Variants in PAX7 observed in about 807,000 individuals in gnomAD.
PAX7 encodes the protein paired box 7.
A neutral mutation model predicts 50.7 loss-of-function variants in PAX7; 18 were observed. The ratio of observed to expected loss-of-function variants is 0.36; its 90% CI spans 0.25 to 0.53. PAX7 has a LOEUF of 0.53. Ranked by LOEUF, PAX7 falls within the 20% of genes least tolerant of loss-of-function variation. The pLI, the probability that PAX7 is intolerant of heterozygous loss-of-function variation, is 0.93. For synonymous variants in PAX7, 310 were observed against 290.4 expected (o/e 1.07, Z -0.69); for missense variants, 644 against 702.9 (o/e 0.92, Z 0.95).
chr1:18,692,516 T>C (rs1366521317), intron 5 of PAX7, among the ~76,000 whole-genome samples: 2 of 136,184 alleles, frequency 1.5e-5, no homozygotes, highest in Non-Finnish European at 3.1e-5. Flanking sequence ...TACTCCAGCC[T>C]GGGTGACAGA....
At chr1:18,727,549 C>T (rs900620559) in intron 7 of PAX7, among the ~76,000 whole-genome samples, 1 of 152,166 alleles carries the variant, frequency 6.6e-6, no homozygotes, top group Non-Finnish European at 1.5e-5. Context: ...GTCACTCATC[C>T]CCCAGGTGAT....
chr1:18,690,203 G>A (rs901118283), intron 4 of PAX7, among the ~76,000 whole-genome samples: 1 of 152,180 alleles, frequency 6.6e-6, no homozygotes. Flanking sequence ...GAGTGAATGA[G>A]TCAATGACAA....
intron 5 of PAX7, among the ~76,000 whole-genome samples, chr1:18,695,487 T>A (rs1401974134): frequency 2.0e-5 from 3 of 152,116 alleles, no homozygotes; most frequent in Admixed American, 6.5e-5. Context: ...GGGGATCTGG[T>A]CACCAAAGAG....
At chr1:18,640,996 A>C (rs1408510292) in intron 4 of PAX7, among the ~76,000 whole-genome samples, 2 of 152,230 alleles carry the variant, frequency 1.3e-5, no homozygotes, top group African/African-American at 4.8e-5. Context: ...CCCCAACCGA[A>C]GAAGAGAGAG....
chr1:18,718,343 C>T (rs780471124), intron 7 of PAX7, among the ~76,000 whole-genome samples: 2 of 152,086 alleles, frequency 1.3e-5, no homozygotes, highest in South Asian at 2.1e-4. Context: ...CAGGGTGGGG[C>T]GATTGAGCTA....
Position 18,745,449 on chromosome 1 carries a change from C to T in PAX7, c.*520C>T. 4.3e-6 allele frequency: 1 copy of T among 233,700 alleles called. No individual in the cohort carries two copies. The highest frequency in any genetic ancestry group is 6.1e-5 in the East Asian group (1 of 16,332). The allele number at this position is 233,700 out of a possible 1,614,324, so 14.5% of individuals were successfully genotyped here. A position where few individuals can be genotyped will look rare whatever the true frequency, so the allele number is the denominator to read the frequency against. On this transcript the variant is annotated 3_prime_UTR_variant, in exon 9 of 9. Transcript: ENST00000420770. ...CCCTTTCCTCCTCTAGACATTGGGA[C>T]TCCAGCAAAGAGGGGACCCTGGCCC...
At chr1:18,711,852 G>C (rs1225775539) in intron 7 of PAX7, among the ~76,000 whole-genome samples, 1 of 152,136 alleles carries the variant, frequency 6.6e-6, no homozygotes, top group African/African-American at 2.4e-5. Context: ...GATCTTCTTG[G>C]ACCTGAAGCC....
intron 4 of PAX7, among the ~76,000 whole-genome samples, chr1:18,658,445 G>T (rs556557755): frequency 6.6e-6 from 1 of 152,328 alleles, no homozygotes; most frequent in South Asian, 2.1e-4. Context: ...CTGGACTAGG[G>T]ACCCAGGTGT....
intron 4 of PAX7, among the ~76,000 whole-genome samples, chr1:18,644,580 C>G (rs1008980722): frequency 5.9e-5 from 9 of 152,054 alleles, no homozygotes; most frequent in African/African-American, 2.2e-4. Context: ...ACACCCCATT[C>G]AGAACCTCAC....
At chr1:18,695,667 A>G (rs1177071001) in intron 5 of PAX7, among the ~76,000 whole-genome samples, 1 of 152,168 alleles carries the variant, frequency 6.6e-6, no homozygotes, top group Non-Finnish European at 1.5e-5. Flanking sequence ...AGGAGAACCC[A>G]TGCCTGGGGA....
intron 7 of PAX7, among the ~76,000 whole-genome samples, chr1:18,723,802 A>G (rs2089523176): frequency 6.6e-6 from 1 of 152,190 alleles, no homozygotes. Flanking sequence ...TGTTGCAGCA[A>G]GAGCCTGGCT....
At chr1:18,725,555 G>C (rs796230554) in intron 7 of PAX7, among the ~76,000 whole-genome samples, 1 of 152,190 alleles carries the variant, frequency 6.6e-6, no homozygotes, top group Non-Finnish European at 1.5e-5. Flanking sequence ...GGGAAGGGAG[G>C]GGGAGGAGAT....
intron 4 of PAX7, among the ~76,000 whole-genome samples, chr1:18,673,780 G>A (rs368483592): frequency 2.6e-5 from 4 of 152,160 alleles, no homozygotes; most frequent in African/African-American, 7.2e-5. Context: ...GGGATTCCAC[G>A]GGCAAGGGAG....
intron 7 of PAX7, among the ~76,000 whole-genome samples, chr1:18,710,279 C>T (rs1570207839): frequency 6.6e-6 from 1 of 152,184 alleles, no homozygotes; most frequent in African/African-American, 2.4e-5. Flanking sequence ...AACCTCACCA[C>T]CACTTGACTC....
intron 4 of PAX7, among the ~76,000 whole-genome samples, chr1:18,666,065 T>G (rs2088664956): frequency 6.6e-6 from 1 of 152,110 alleles, no homozygotes; most frequent in South Asian, 2.1e-4. Flanking sequence ...TCCTAGCACC[T>G]CAGGAGGCTG....
chr1:18,714,370 A>C (rs1460788794), intron 7 of PAX7, among the ~76,000 whole-genome samples: 1 of 152,186 alleles, frequency 6.6e-6, no homozygotes, highest in Non-Finnish European at 1.5e-5. Flanking sequence ...GCTTATGAGA[A>C]TTAAATGCGA....
At chr1:18,727,087 A>G (rs2089581302) in intron 7 of PAX7, among the ~76,000 whole-genome samples, 1 of 152,012 alleles carries the variant, frequency 6.6e-6, no homozygotes, top group South Asian at 2.1e-4. Context: ...CACACACAAT[A>G]CTCACAGAAA....
At chr1:18,642,968 G>A (rs1318270698) in intron 4 of PAX7, among the ~76,000 whole-genome samples, 3 of 151,866 alleles carry the variant, frequency 2.0e-5, no homozygotes, top group Non-Finnish European at 4.4e-5. Context: ...AAGGGGAGGC[G>A]GGGGCCAAAG....
chr1:18,634,221 G>A lies in PAX7; in HGVS notation c.86-82G>A. 8.9e-7 allele frequency: 1 copy of A among 1,124,576 alleles called. No homozygotes were observed. The highest frequency in any genetic ancestry group is 1.3e-6 in the Non-Finnish European group (1 of 777,860). 69.7% of individuals were successfully genotyped at this position (1,124,576 alleles called of 1,614,324 possible). A position where few individuals can be genotyped will look rare whatever the true frequency, so the allele number is the denominator to read the frequency against. ...TCTTGGGGCTCAAACAAACAAAACT[G>A]GAGTCAGGGAGTGTACTCAGTGTCT... On this transcript the variant is annotated intron_variant, in intron 1 of 8. Transcript: ENST00000420770. This position sits in a 1 kb window ranked among gnomAD's most constrained non-coding sequence, Gnocchi z 4.0.
Sources: gnomAD v4.1 joint callset for allele counts (sites outside exome capture counted in the v4.1 genomes callset) on GRCh38, gnomAD v4.1.1 for gene constraint, Gnocchi (gnomAD v3.1) non-coding constraint, MANE v1.5 for transcripts, NCBI Gene and HGNC (gene_info 2026-07-23, HGNC 2026-07-21) for gene names.